The following SPIDR variants were observed in gnomAD, a reference collection of about 807,000 sequenced individuals.
SPIDR encodes DNA repair-scaffolding protein.
A neutral mutation model predicts 104.6 loss-of-function variants in SPIDR; 93 were observed. The ratio of observed to expected loss-of-function variants is 0.89; its 90% CI spans 0.75 to 1.06. The LOEUF (loss-of-function observed/expected upper bound fraction) is 1.06, where lower values mean the gene tolerates loss of function less well. SPIDR is among the 50% of genes least tolerant of loss of function. SPIDR has a pLI of 0.00. For synonymous variants in SPIDR, 431 were observed against 416.9 expected, an observed-to-expected ratio of 1.03 and a Z score of -0.41; for missense variants, 1,154 against 1,111.2, an observed-to-expected ratio of 1.04 and a Z score of -0.55.
intron 8 of SPIDR, among the ~76,000 whole-genome samples, chr8:47,489,476 T>G (rs2078290879): frequency 6.6e-6 from 1 of 152,184 alleles, no homozygotes; most frequent in South Asian, 2.1e-4. Flanking sequence ...TACCAATGAC[T>G]TTCTTCACAG....
intron 5 of SPIDR, among the ~76,000 whole-genome samples, chr8:47,353,965 G>GT (rs1244855219): frequency 2.6e-5 from 4 of 151,754 alleles, no homozygotes; most frequent in African/African-American, 9.7e-5. Context: ...GGGTTATGGG[G>GT]TTTTTTTGCT....
chr8:47,283,004 C>T (rs371985809), intron 2 of SPIDR, among the ~76,000 whole-genome samples: 50 of 152,090 alleles, frequency 3.3e-4, no homozygotes, highest in African/African-American at 1.1e-3. Context: ...TACAGGTGCC[C>T]GCCACCACGC....
At chr8:47,578,487 A>G (rs2059372573) in intron 8 of SPIDR, among the ~76,000 whole-genome samples, 1 of 152,110 alleles carries the variant, frequency 6.6e-6, no homozygotes, top group Non-Finnish European at 1.5e-5. Context: ...AAAAATAATA[A>G]TAATAATCAA....
At chr8:47,458,284 G>A (rs2073335358) in intron 8 of SPIDR, among the ~76,000 whole-genome samples, 1 of 150,916 alleles carries the variant, frequency 6.6e-6, no homozygotes, top group Admixed American at 6.7e-5. Flanking sequence ...AGTTTTCCTT[G>A]CAGAGGCCTT....
At chr8:47,717,090 C>A (rs1410207693) in intron 16 of SPIDR, among the ~76,000 whole-genome samples, 3 of 152,134 alleles carry the variant, frequency 2.0e-5, no homozygotes, top group Non-Finnish European at 4.4e-5. Flanking sequence ...CCTGAGCAGA[C>A]CGGCTACAGG....
chr8:47,487,912 T>C (rs1032874173), intron 8 of SPIDR, among the ~76,000 whole-genome samples: 34 of 152,016 alleles, frequency 2.2e-4, no homozygotes, highest in African/African-American at 8.2e-4. Flanking sequence ...AGGAAAGATC[T>C]AAAATTGACA....
Position 47,284,013 on chromosome 8 carries a change from T to C in SPIDR, c.190-15T>C. The C allele has an allele frequency of 6.3e-7, 1 of 1,590,258 alleles. No homozygotes were observed. The highest frequency in any genetic ancestry group is 8.6e-7 in the Non-Finnish European group (1 of 1,169,332). Reference sequence around the variant, plus strand: ...ATTTGTCACATAAATTCCATGATTATTATTTTGCCTACAGTCATTAACAGC... The same window carrying C: ...ATTTGTCACATAAATTCCATGATTACTATTTTGCCTACAGTCATTAACAGC... On this transcript the variant is annotated splice_polypyrimidine_tract_variant and intron_variant, in intron 2 of 19. Coordinates refer to ENST00000297423, the MANE Select transcript of SPIDR (RefSeq NM_001080394.4).
intron 8 of SPIDR, among the ~76,000 whole-genome samples, chr8:47,545,075 CTT>C (rs1312151127): frequency 8.2e-5 from 1 of 12,138 alleles, no homozygotes; most frequent in Admixed American, 8.9e-4. Flanking sequence ...TTTATCTTTT[CTT>C]TCTTTCTTTC....
chr8:47,671,933 C>T (rs779475676), intron 10 of SPIDR, among the ~76,000 whole-genome samples: 8 of 152,166 alleles, frequency 5.3e-5, no homozygotes, highest in Admixed American at 2.6e-4. Flanking sequence ...CGTTGTCTTG[C>T]TTGGTATTTG....
chr8:47,401,518 A>G (rs1554662839), intron 6 of SPIDR, among the ~76,000 whole-genome samples: 1 of 152,240 alleles, frequency 6.6e-6, no homozygotes, highest in Non-Finnish European at 1.5e-5. Flanking sequence ...AAACTCTCCA[A>G]TTAAAAGACA....
intron 1 of SPIDR, among the ~76,000 whole-genome samples, chr8:47,271,975 A>G (rs1351218871): frequency 6.7e-6 from 1 of 149,176 alleles, no homozygotes; most frequent in African/African-American, 2.5e-5. Context: ...TAATTTTTGT[A>G]TTTTTTTTTC....
intron 16 of SPIDR, among the ~76,000 whole-genome samples, chr8:47,718,254 C>T (rs1194091751): frequency 1.3e-5 from 2 of 152,240 alleles, no homozygotes; most frequent in Non-Finnish European, 2.9e-5. Flanking sequence ...ATCAAACACA[C>T]ATTTGTCCTT....
chr8:47,463,937 A>T (rs2074350228), intron 8 of SPIDR, among the ~76,000 whole-genome samples: 2 of 152,172 alleles, frequency 1.3e-5, no homozygotes, highest in African/African-American at 4.8e-5. Context: ...TTTCCCTCTA[A>T]AATCAGAAAC....
intron 19 of SPIDR, 126 bp downstream of exon 19, chr8:47,729,591 A>G: frequency 9.5e-7 from 1 of 1,047,764 alleles, no homozygotes; most frequent in Non-Finnish European, 1.4e-6. Flanking sequence ...GAAGTGGTGT[A>G]GACACTCGAG....
intron 8 of SPIDR, chr8:47,547,124 C>A (rs960367450): frequency 8.5e-6 from 5 of 588,550 alleles, no homozygotes; most frequent in Non-Finnish European, 1.6e-5. Flanking sequence ...TGGGATCATT[C>A]ACCTTGATGG....
intron 5 of SPIDR, among the ~76,000 whole-genome samples, chr8:47,393,812 CCTTT>C (rs1471635351): frequency 6.7e-6 from 1 of 148,624 alleles, no homozygotes; most frequent in Non-Finnish European, 1.5e-5. Flanking sequence ...TCTTTTCCAT[CCTTT>C]CTTTGTTTCT....
intron 8 of SPIDR, among the ~76,000 whole-genome samples, chr8:47,503,176 A>G (rs946951851): frequency 1.3e-5 from 2 of 152,196 alleles, no homozygotes; most frequent in Admixed American, 1.3e-4. Flanking sequence ...AACTGAGTTC[A>G]ATTCCTGAAT....
chr8:47,735,330 C>T lies in SPIDR; in HGVS notation c.2628C>T (p.Leu876=), dbSNP rs2086121320. 8.7e-6 allele frequency: 14 copies of T among 1,613,844 alleles called. No homozygotes were observed. The highest frequency in any genetic ancestry group is 1.1e-5 in the Non-Finnish European group (13 of 1,179,940). The change falls in exon 20 of 20, where the codon CTC becomes CTT. Residue 876 remains leucine (L), a synonymous_variant. Coordinates refer to ENST00000297423, the MANE Select transcript of SPIDR (RefSeq NM_001080394.4). ...AGAGCTACGAAGTGAAGAGTGTCCTCGGAAAGGAAGTGGGGTTGTTAAATT... is the reference window on the plus strand; with the variant it reads ...AGAGCTACGAAGTGAAGAGTGTCCTTGGAAAGGAAGTGGGGTTGTTAAATT... ...EDGSYEVKSV[L]GKEVGLLNCF... is the part of the protein sequence containing the mutation.
intron 11 of SPIDR, among the ~76,000 whole-genome samples, chr8:47,675,731 T>C (rs569856393): frequency 1.3e-5 from 2 of 152,334 alleles, no homozygotes; most frequent in East Asian, 3.9e-4. Flanking sequence ...GAGAATTGCT[T>C]GAAACCTCGA....
Sources: allele counts gnomAD v4.1 joint callset (sites outside exome capture counted in the v4.1 genomes callset), GRCh38; gene constraint gnomAD v4.1.1; transcripts MANE v1.5; gene names NCBI Gene and HGNC (gene_info 2026-07-23, HGNC 2026-07-21).